Variants in LRIF1 observed in about 807,000 individuals in gnomAD.
LRIF1 encodes the protein ligand-dependent nuclear receptor-interacting factor 1.
A neutral mutation model predicts 52.7 loss-of-function variants in LRIF1; 32 were observed. The observed-to-expected ratio is 0.61, with a 90% CI of 0.46 to 0.82. LRIF1 has a LOEUF of 0.82. LRIF1 is among the 40% of genes least tolerant of loss of function. The probability of loss-of-function intolerance (pLI) is 0.00; values close to 1 mark genes in which losing one functional copy is unlikely to be tolerated. For missense variants in LRIF1, 887 were observed against 892.0 expected (o/e 0.99, Z 0.07); for synonymous variants, 323 against 317.4 (o/e 1.02, Z -0.19).
At chr1:110,879,151 A>G in the LRIF1 span, among the ~76,000 whole-genome samples, 29 of 152,182 alleles carry the variant, frequency 1.9e-4, no homozygotes, top group African/African-American at 6.3e-4. Context: ...GCTAAGGGTT[A>G]CCCTTAGGAA....
In LRIF1 at chr1:110,947,967, G is replaced by A. The variant is rs749678246; in HGVS notation, c.2302C>T (p.Gln768Ter). Residue 768 changes from glutamine to a stop codon, truncating the protein, a stop_gained, in exon 4 of 4, where the codon CAA becomes TAA. Coordinates refer to ENST00000369763, the MANE Select transcript of LRIF1 (RefSeq NM_018372.4). LOFTEE classifies it high-confidence loss of function. Reference sequence around the variant, plus strand: ...AGTCTTTACAGGAGATTTTATTTTTGGTGCATCTTCTTACGCATTTCTTCA... The same window carrying A: ...AGTCTTTACAGGAGATTTTATTTTTAGTGCATCTTCTTACGCATTTCTTCA... ...ALEEMRKKMH[Q>*]K is the part of the protein sequence containing the mutation. 3 of 1,567,146 alleles carry A rather than the reference G, an allele frequency of 1.9e-6. No individual in the cohort carries two copies. The highest frequency in any genetic ancestry group is 2.6e-6 in the Non-Finnish European group (3 of 1,161,250).
At chr1:110,886,539 T>C in the LRIF1 span, among the ~76,000 whole-genome samples, 1 of 152,156 alleles carries the variant, frequency 6.6e-6, no homozygotes, top group Non-Finnish European at 1.5e-5. Flanking sequence ...CTCATGATGC[T>C]CTGTTCATTT....
chr1:110,915,988 G>A, the LRIF1 span, among the ~76,000 whole-genome samples: 1 of 152,102 alleles, frequency 6.6e-6, no homozygotes, highest in Non-Finnish European at 1.5e-5. Context: ...AAATGTCAAT[G>A]TAACATTTTA....
At chr1:110,885,471 G>A in the LRIF1 span, among the ~76,000 whole-genome samples, 4 of 152,142 alleles carry the variant, frequency 2.6e-5, no homozygotes, top group African/African-American at 9.7e-5. Context: ...CGGGGAGGCG[G>A]AGCTTGCAGT....
At chr1:110,963,523 T>C in intron 1 of LRIF1, 98 bp downstream of exon 1, 2 of 991,022 alleles carry the variant, frequency 2.0e-6, no homozygotes, top group Non-Finnish European at 3.0e-6. Flanking sequence ...GGGCTCCAAC[T>C]CCTCTCAACT....
At chr1:110,893,068 C>T in the LRIF1 span, among the ~76,000 whole-genome samples, 1 of 152,182 alleles carries the variant, frequency 6.6e-6, no homozygotes, top group Non-Finnish European at 1.5e-5. Context: ...GATGCTACAG[C>T]CTTTTGCATG....
the LRIF1 span, among the ~76,000 whole-genome samples, chr1:110,919,284 T>C: frequency 6.6e-6 from 1 of 152,094 alleles, no homozygotes; most frequent in African/African-American, 2.4e-5. Flanking sequence ...GACCCACCTT[T>C]AATCTGGTGG....
chr1:110,898,728 G>T, the LRIF1 span, among the ~76,000 whole-genome samples: 1 of 151,936 alleles, frequency 6.6e-6, no homozygotes, highest in Admixed American at 6.6e-5. Context: ...GTATATCATA[G>T]ATTAGTTAAA....
chr1:110,896,721 T>G, the LRIF1 span: 1 of 1,612,938 alleles, frequency 6.2e-7, no homozygotes, highest in Non-Finnish European at 8.5e-7. Flanking sequence ...GCCCCTCAGA[T>G]CGAAAAGTGG....
At chr1:110,937,887 T>C in the LRIF1 span, 2 of 152,064 alleles carry the variant, frequency 1.3e-5, no homozygotes, top group African/African-American at 4.8e-5. Flanking sequence ...GCATTACAAC[T>C]GATACTGCAG....
chr1:110,902,495 T>TAAAAAAAA, the LRIF1 span, among the ~76,000 whole-genome samples: 237 of 72,440 alleles, frequency 3.3e-3, no homozygotes, highest in African/African-American at 4.0e-3. Flanking sequence ...AATCAATCAC[T>TAAAAAAAA]AAAAAAAAAA....
chr1:110,962,093 C>CA (rs1214892485), intron 1 of LRIF1, among the ~76,000 whole-genome samples: 2 of 151,524 alleles, frequency 1.3e-5, no homozygotes, highest in Non-Finnish European at 2.9e-5. Context: ...CACACACACA[C>CA]ACAAAGTAAA....
At chr1:110,920,065 G>GA in the LRIF1 span, among the ~76,000 whole-genome samples, 1 of 152,166 alleles carries the variant, frequency 6.6e-6, no homozygotes, top group Non-Finnish European at 1.5e-5. Flanking sequence ...TGGAGGATGT[G>GA]AAACAACCAG....
At chr1:110,883,724 T>C in the LRIF1 span, among the ~76,000 whole-genome samples, 2 of 152,010 alleles carry the variant, frequency 1.3e-5, no homozygotes, top group Non-Finnish European at 2.9e-5. Context: ...AGTTTCTTAT[T>C]AGAGATAGGA....
rs375955490 is a variant in LRIF1, at chr1:110,952,335, A to C, written c.549T>G (p.His183Gln). The change falls in exon 2 of 4, where the codon CAT becomes CAG. Residue 183 changes from histidine (H) to glutamine (Q), a missense_variant. His to Gln is a conservative substitution (Grantham distance 24, BLOSUM62 0). Coordinates refer to ENST00000369763, the MANE Select transcript of LRIF1 (RefSeq NM_018372.4). ...TVKSPVLPSG[H>Q]HLQIPAHAEV... The stretch of plus-strand genomic sequence containing the variant: ...CAGCATGGGCTGGAATCTGTAAATG[A>C]TGCCCAGAAGGCAAAACTGGAGACT... 2 of 1,614,000 alleles carry C rather than the reference A, an allele frequency of 1.2e-6. No homozygotes were observed. Among genetic ancestry groups the C allele is most frequent in the African/African-American group, 2.7e-5 (2 of 74,934 alleles).
At chr1:110,945,041 C>G (rs116416380), downstream of LRIF1, 8,533 of 152,158 alleles carry the variant, frequency 0.056, 290 homozygotes, top group East Asian at 0.14. Flanking sequence ...GGACTACAGG[C>G]ACATGCCACC....
At position 110,951,737 on chromosome 1, in the gene LRIF1, T is replaced by C. The variant is rs1658487025; in HGVS notation, c.1147A>G (p.Asn383Asp). 1.2e-6 allele frequency: 2 copies of C among 1,613,612 alleles called. No individual in the cohort carries two copies. The highest frequency in any genetic ancestry group is 2.2e-5 in the South Asian group (2 of 91,092). ...DVLPSQIDQQ[N>D]SVSPDTPVRK... ...ACTGGAGTATCAGGAGAAACAGAAT[T>C]CTGTTGGTCAATTTGTGATGGCAGA... The change falls in exon 2 of 4, where the codon AAT becomes GAT. Residue 383 changes from asparagine (N) to aspartate (D), a missense_variant. Asn to Asp is a conservative substitution (Grantham distance 23). Transcript: ENST00000369763.
the LRIF1 span, chr1:110,892,802 A>G: frequency 2.8e-6 from 1 of 352,618 alleles, no homozygotes; most frequent in Non-Finnish European, 5.1e-6. Flanking sequence ...ATTCCCCTTT[A>G]TAGCATTTTA....
In LRIF1 at chr1:110,950,757, G is replaced by A. The variant is rs147543016; in HGVS notation, c.1596+531C>T. 1.6e-3 allele frequency among the ~76,000 whole-genome samples: 241 copies of A among 151,824 alleles called. 1 individual carries two copies. The highest frequency in any genetic ancestry group is 6.8e-3 in the Middle Eastern group (2 of 292). On this transcript the variant is annotated intron_variant, in intron 2 of 3. Coordinates refer to ENST00000369763, the MANE Select transcript of LRIF1 (RefSeq NM_018372.4). ...AAAAAATCAACCCATCAAAGATGCT[G>A]ATAAAATCTTATTTCCACAAATTAC...
Sources: gnomAD v4.1 joint callset for allele counts (sites outside exome capture counted in the v4.1 genomes callset) on GRCh38, gnomAD v4.1.1 for gene constraint, MANE v1.5 for transcripts, NCBI Gene and HGNC (gene_info 2026-07-23, HGNC 2026-07-21) for gene names.